Variants in TOX3 observed in about 807,000 individuals in gnomAD.
TOX3 encodes TOX high mobility group box family member 3.
A neutral mutation model predicts 64.3 loss-of-function variants in TOX3; 22 were observed. The ratio of observed to expected loss-of-function variants is 0.34; its 90% CI spans 0.24 to 0.49. The LOEUF (loss-of-function observed/expected upper bound fraction) is 0.49, where lower values mean the gene tolerates loss of function less well. Ranked by LOEUF, TOX3 falls within the 20% of genes least tolerant of loss-of-function variation. The pLI is 0.99. For missense variants in TOX3, 661 were observed against 714.4 expected (o/e 0.93, Z 0.85); for synonymous variants, 291 against 273.6 (o/e 1.06, Z -0.63).
intron 1 of TOX3, 102 bp from the exon 2 acceptor site, chr16:52,468,676 A>G: frequency 1.1e-6 from 1 of 873,168 alleles, no homozygotes; most frequent in South Asian, 1.6e-5. Context: ...AGAGAGTTTT[A>G]TCAGCCCAAA....
At chr16:52,505,483 T>C (rs913867238) in intron 1 of TOX3, among the ~76,000 whole-genome samples, 1 of 152,088 alleles carries the variant, frequency 6.6e-6, no homozygotes, top group Non-Finnish European at 1.5e-5. Context: ...TTCGGAAGCA[T>C]AGGAATAATT....
At chr16:52,464,961 AGAG>A (rs1960810753) in intron 2 of TOX3, among the ~76,000 whole-genome samples, 1 of 148,238 alleles carries the variant, frequency 6.7e-6, no homozygotes, top group South Asian at 2.2e-4. Context: ...TCGCTTACTT[AGAG>A]AAGTATTATA....
rs181901492 is a variant in TOX3, at chr16:52,519,195, G to C, written c.87+27442C>G. Among the ~76,000 whole-genome samples the C allele has an allele frequency of 5.9e-5, 9 of 152,288 alleles. No homozygotes were observed. The East Asian group carries it at 1.7e-3, about 29-fold the overall frequency. On this transcript the variant is annotated intron_variant, in intron 1 of 6. Coordinates refer to ENST00000219746, the MANE Select transcript of TOX3 (RefSeq NM_001080430.4). ...GTCTTCAGTTATCTACAAATACTGC[G>C]GGGGCCACAAATTGTTTAAAGCCAC...
intron 1 of TOX3, among the ~76,000 whole-genome samples, chr16:52,477,773 C>T (rs537060102): frequency 6.6e-6 from 1 of 152,146 alleles, no homozygotes; most frequent in Non-Finnish European, 1.5e-5. Context: ...ACAGTATTTG[C>T]CACATCACAG....
chr16:52,518,691 G>C (rs1055101232), intron 1 of TOX3, among the ~76,000 whole-genome samples: 131 of 152,308 alleles, frequency 8.6e-4, no homozygotes, highest in African/African-American at 2.9e-3. Flanking sequence ...ATGCAACACT[G>C]TATGGAACAG....
At position 52,464,027 on chromosome 16, in the gene TOX3, CTG is replaced by C; in HGVS notation, c.313_314del (p.Gln105ValfsTer26). Reference protein sequence around the residue: ...LPSQGSEFTPQFPPQSLDLPS... With the variant: ...LPSQGSEFTPXFPPQSLDLPS... ...GGAGGTCCAGGCTTTGAGGGGGAAA[CTG>C]GGGTGTGAATTCACTTCCCTGGGAA... On this transcript the variant is annotated frameshift_variant, in exon 3 of 7. Coordinates refer to ENST00000219746, the MANE Select transcript of TOX3 (RefSeq NM_001080430.4). LOFTEE classifies it high-confidence loss of function. 1 of 1,601,320 alleles carries C rather than the reference CTG, an allele frequency of 6.2e-7. No homozygotes were observed. Among genetic ancestry groups the C allele is most frequent in the Non-Finnish European group, 8.5e-7 (1 of 1,174,268 alleles).
intron 6 of TOX3, 150 bp downstream of exon 6, chr16:52,444,126 T>C (rs1048848276): frequency 1.9e-6 from 1 of 530,460 alleles, no homozygotes; most frequent in African/African-American, 1.9e-5. Context: ...ATCACTTGGG[T>C]AATCTCTAAT....
chr16:52,528,729 T>G (rs1962782144), intron 1 of TOX3, among the ~76,000 whole-genome samples: 1 of 152,190 alleles, frequency 6.6e-6, no homozygotes. Flanking sequence ...TTCAAGAGAC[T>G]GATTAAACAA....
intron 1 of TOX3, among the ~76,000 whole-genome samples, chr16:52,485,204 A>ATG (rs200982286): frequency 1.4e-5 from 2 of 139,144 alleles, no homozygotes; most frequent in East Asian, 2.1e-4. Flanking sequence ...GTGTGTGTAT[A>ATG]TGTGTGTGTG....
Position 52,439,585 on chromosome 16 carries a change from T to C in TOX3, c.1371A>G (p.Gln457=). The change falls in exon 7 of 7, where the codon CAA becomes CAG. Residue 457 remains glutamine, a synonymous_variant. Coordinates refer to ENST00000219746, the MANE Select transcript of TOX3 (RefSeq NM_001080430.4). Reference sequence around the variant, plus strand: ...GCTGGAGTTGCTGCTGCTGCATCTGTTGCATCTGTTGTTGTTGCTGCTGCT... The same window carrying C: ...GCTGGAGTTGCTGCTGCTGCATCTGCTGCATCTGTTGTTGTTGCTGCTGCT... The part of the protein sequence containing the change: ...QQQQQQQQQM[Q]QMQQQQLQQH... The C allele has an allele frequency of 1.3e-6, 2 of 1,585,980 alleles. No individual in the cohort carries two copies. The highest frequency in any genetic ancestry group is 1.7e-6 in the Non-Finnish European group (2 of 1,160,902).
intron 1 of TOX3, among the ~76,000 whole-genome samples, chr16:52,540,105 G>T (rs542211478): frequency 2.6e-5 from 4 of 152,030 alleles, no homozygotes; most frequent in Admixed American, 1.3e-4. Flanking sequence ...CAGGCTGGGC[G>T]CAGTGGTTCA....
chr16:52,519,668 G>A (rs1419721706), intron 1 of TOX3: 7 of 1,254,066 alleles, frequency 5.6e-6, no homozygotes, highest in Non-Finnish European at 7.3e-6. Flanking sequence ...GCAAGAAGTA[G>A]TAGAATGGGC....
chr16:52,450,427 G>A lies in TOX3; in HGVS notation c.528C>T (p.Thr176=), dbSNP rs983423211. 5.0e-6 allele frequency: 8 copies of A among 1,614,046 alleles called. No homozygotes were observed. Among genetic ancestry groups the A allele is most frequent in the Non-Finnish European group, 2.5e-6 (3 of 1,179,888 alleles). Residue 176 remains threonine, a synonymous_variant, in exon 4 of 7, where the codon ACC becomes ACT. Transcript: ENST00000219746. ...SGVMPPAQLT[T]INQSQLSAQL... ...GGGCGCTGAGCTGAGACTGGTTGATGGTGGTGAGCTGGGCAGGAGGCATGA... is the reference window on the plus strand; with the variant it reads ...GGGCGCTGAGCTGAGACTGGTTGATAGTGGTGAGCTGGGCAGGAGGCATGA...
At chr16:52,525,793 G>T (rs1962716072) in intron 1 of TOX3, among the ~76,000 whole-genome samples, 1 of 152,074 alleles carries the variant, frequency 6.6e-6, no homozygotes, top group Non-Finnish European at 1.5e-5. Context: ...GCACTTTAAT[G>T]GAAACCTGCC....
At chr16:52,495,550 T>C (rs1189982075) in intron 1 of TOX3, among the ~76,000 whole-genome samples, 2 of 152,214 alleles carry the variant, frequency 1.3e-5, no homozygotes, top group Non-Finnish European at 2.9e-5. Flanking sequence ...CCTCTGGTTA[T>C]AGGTGCAGAC....
At chr16:52,488,959 C>T (rs901720995) in intron 1 of TOX3, among the ~76,000 whole-genome samples, 4 of 152,188 alleles carry the variant, frequency 2.6e-5, no homozygotes, top group African/African-American at 9.6e-5. Context: ...AAGCTTTCAG[C>T]ACCAAACCTC....
intron 2 of TOX3, among the ~76,000 whole-genome samples, chr16:52,466,646 G>T (rs1400183759): frequency 6.6e-6 from 1 of 152,048 alleles, no homozygotes; most frequent in Non-Finnish European, 1.5e-5. Flanking sequence ...AATTAGGAAG[G>T]TTTTTATTTT....
At chr16:52,525,197 T>A (rs576962741) in intron 1 of TOX3, among the ~76,000 whole-genome samples, 29 of 152,238 alleles carry the variant, frequency 1.9e-4, no homozygotes, top group African/African-American at 5.8e-4. Context: ...TGATATTTTG[T>A]GGGTGGAGGG....
intron 3 of TOX3, among the ~76,000 whole-genome samples, chr16:52,454,657 C>G (rs1960462464): frequency 6.6e-6 from 1 of 152,178 alleles, no homozygotes; most frequent in Non-Finnish European, 1.5e-5. Context: ...AGATGTTACC[C>G]TTGATCTTAG....
Sources: allele counts gnomAD v4.1 joint callset (sites outside exome capture counted in the v4.1 genomes callset), GRCh38; gene constraint gnomAD v4.1.1; transcripts MANE v1.5; gene names NCBI Gene and HGNC (gene_info 2026-07-23, HGNC 2026-07-21).